Variants in MAPK12 observed in about 807,000 individuals in gnomAD.
The protein encoded by MAPK12 is mitogen-activated protein kinase 12.
A neutral mutation model predicts 49.1 loss-of-function variants in MAPK12; 49 were observed. The observed-to-expected ratio is 1.00, with a 90% CI of 0.79 to 1.27. MAPK12 has a LOEUF of 1.27. MAPK12 is among the 50% of genes most tolerant of loss of function. The pLI, the probability that MAPK12 is intolerant of heterozygous loss-of-function variation, is 0.00. For missense variants in MAPK12, 554 were observed against 502.4 expected, an observed-to-expected ratio of 1.10 and a Z score of -0.98; for synonymous variants, 251 against 209.7, an observed-to-expected ratio of 1.20 and a Z score of -1.70.
chr22:50,253,507 A>C, intron 11 of MAPK12, 27 bp from the exon 12 acceptor site: 2 of 921,140 alleles, frequency 2.2e-6, no homozygotes, highest in East Asian at 5.3e-5. Context: ...GGCGGGCACA[A>C]CAGAGAGGGG....
rs185994207 is a variant in MAPK12 at position 50,257,059 on chromosome 22, G to A, written c.426+23C>T. 1.4e-5 allele frequency: 22 copies of A among 1,608,118 alleles called. No individual in the cohort carries two copies. In the East Asian group the frequency reaches 3.1e-4, roughly 23 times the overall value. On this transcript the variant is annotated intron_variant, in intron 4 of 11. Coordinates refer to ENST00000215659, the MANE Select transcript of MAPK12 (RefSeq NM_002969.6). ...GCCCCGAGGCCCTGCCTGCCTCCCT[G>A]CAGCCTCCCCCGGGGCCCGTACCCT...
chr22:50,256,780 C>A (rs886895929), intron 5 of MAPK12, 134 bp from the exon 6 acceptor site: 1 of 1,510,864 alleles, frequency 6.6e-7, no homozygotes, highest in East Asian at 2.3e-5. Flanking sequence ...AAGGGCAGAC[C>A]AAGGTACCTG....
At chr22:50,256,711 T>A in intron 5 of MAPK12, 65 bp from the exon 6 acceptor site, 1 of 1,554,664 alleles carries the variant, frequency 6.4e-7, no homozygotes, top group Non-Finnish European at 8.7e-7. Flanking sequence ...GCCAAGAGCC[T>A]GGGTGGCACC....
rs757184825 is a variant in MAPK12 at position 50,258,223 on chromosome 22, C to G, written c.314+20G>C. 33 of 1,612,698 alleles carry G rather than the reference C, an allele frequency of 2.0e-5. 1 individual carries two copies. In the South Asian group the frequency reaches 3.5e-4, roughly 17 times the overall value. Reference sequence around the variant, plus strand: ...CCCAACACCCCTCGTGCCCAGCGGCCAGCCCAGGTCGGCACTCACAAGTCC... The same window carrying G: ...CCCAACACCCCTCGTGCCCAGCGGCGAGCCCAGGTCGGCACTCACAAGTCC... On this transcript the variant is annotated intron_variant, in intron 3 of 11. Coordinates refer to ENST00000215659, the MANE Select transcript of MAPK12 (RefSeq NM_002969.6).
At chr22:50,260,084 T>G (rs2065195282) in intron 2 of MAPK12, among the ~76,000 whole-genome samples, 1 of 148,314 alleles carries the variant, frequency 6.7e-6, no homozygotes. Context: ...GGTGTCGAGG[T>G]GCGGGCAGGG....
rs749438252 is a variant in MAPK12, at chr22:50,261,519, G to A, written c.-10C>T. The A allele has an allele frequency of 8.6e-5, 100 of 1,159,146 alleles. No individual in the cohort carries two copies. In the Middle Eastern group the frequency reaches 1.3e-3, roughly 16 times the overall value. 71.8% of individuals were successfully genotyped at this position (1,159,146 alleles called of 1,614,324 possible). On this transcript the variant is annotated 5_prime_UTR_variant, in exon 1 of 12. Transcript: ENST00000215659. ...GCGGCGGAGAGCTCATGGCAGGCCCGGGAGCTGCCCACCCCGCAGAGCCTG... is the reference window on the plus strand; with the variant it reads ...GCGGCGGAGAGCTCATGGCAGGCCCAGGAGCTGCCCACCCCGCAGAGCCTG...
rs1191428817 is a variant in MAPK12 at position 50,261,515 on chromosome 22, G to T, written c.-6C>A. 1 of 1,169,148 alleles carries T rather than the reference G, an allele frequency of 8.6e-7. No homozygotes were observed. 72.4% of individuals were successfully genotyped at this position (1,169,148 alleles called of 1,614,324 possible). On this transcript the variant is annotated 5_prime_UTR_variant, in exon 1 of 12. Transcript: ENST00000215659. ...GCGGGCGGCGGAGAGCTCATGGCAG[G>T]CCCGGGAGCTGCCCACCCCGCAGAG...
At position 50,256,972 on chromosome 22, in the gene MAPK12, G is replaced by T. The variant is rs201979053; in HGVS notation, c.427-8C>A. Reference sequence around the variant, plus strand: ...GCCGGCAGCGTGGATATACTGCGGGGGGCAGAGGATTTGGCAGGCTTCAGC... The same window carrying T: ...GCCGGCAGCGTGGATATACTGCGGGTGGCAGAGGATTTGGCAGGCTTCAGC... On this transcript the variant is annotated splice_polypyrimidine_tract_variant and splice_region_variant and intron_variant, in intron 4 of 11. Transcript: ENST00000215659. 6.2e-7 allele frequency: 1 copy of T among 1,606,508 alleles called. No homozygotes were observed. Among genetic ancestry groups the T allele is most frequent in the Non-Finnish European group, 8.5e-7 (1 of 1,177,932 alleles).
Position 50,257,731 on chromosome 22 carries a change from G to C in MAPK12, c.314+512C>G, listed in dbSNP as rs1211626543. The C allele has an allele frequency of 7.8e-6, 5 of 641,560 alleles. No homozygotes were observed. In the East Asian group the frequency reaches 1.4e-4, roughly 17 times the overall value. The allele number at this position is 641,560 out of a possible 1,614,324, so 39.7% of individuals were successfully genotyped here. A position where few individuals can be genotyped will look rare whatever the true frequency, so the allele number is the denominator to read the frequency against. ...CCCAGAGGCCACTGACTTGACCTCT[G>C]CAAGTCAGGCGGGAGGCGCCTGCTA... On this transcript the variant is annotated intron_variant, in intron 3 of 11. Coordinates refer to ENST00000215659, the MANE Select transcript of MAPK12 (RefSeq NM_002969.6).
At chr22:50,254,118 G>C (rs1248650645) in intron 11 of MAPK12, 1 of 154,420 alleles carries the variant, frequency 6.5e-6, no homozygotes, top group Admixed American at 6.3e-5. Flanking sequence ...GCCAGGTCCA[G>C]CACAGCCTCA....
At chr22:50,254,809 T>C (rs1016754512) in intron 11 of MAPK12, 1 of 1,159,632 alleles carries the variant, frequency 8.6e-7, no homozygotes, top group African/African-American at 1.6e-5. Flanking sequence ...CAGGAGGGGC[T>C]AAGTGGGCCC....
At chr22:50,256,741 C>T in intron 5 of MAPK12, 95 bp from the exon 6 acceptor site, 1 of 1,531,018 alleles carries the variant, frequency 6.5e-7, no homozygotes, top group Non-Finnish European at 8.8e-7. Flanking sequence ...GGCCACCGGA[C>T]CTGGCCCCCT....
In MAPK12 at chr22:50,261,661, G is replaced by C. The variant is rs1406366074; in HGVS notation, c.-152C>G. On this transcript the variant is annotated 5_prime_UTR_variant, in exon 1 of 12. Transcript: ENST00000215659. ...CGGCCGCTGGGGCGCTCCCGCTCCC[G>C]GCCCTTCCCTCAGGGATGTCCCAGG... 1.2e-6 allele frequency: 1 copy of C among 855,172 alleles called. No individual in the cohort carries two copies. The highest frequency in any genetic ancestry group is 6.2e-5 in the Admixed American group (1 of 16,098). 53.0% of individuals were successfully genotyped at this position (855,172 alleles called of 1,614,324 possible). A position where few individuals can be genotyped will look rare whatever the true frequency, so the allele number is the denominator to read the frequency against.
intron 2 of MAPK12, among the ~76,000 whole-genome samples, chr22:50,260,464 G>A (rs2065199887): frequency 6.6e-6 from 1 of 152,122 alleles, no homozygotes; most frequent in Admixed American, 6.5e-5. Context: ...CCCTGGCAGA[G>A]AGATCGGGTT....
chr22:50,256,230 G>C, intron 6 of MAPK12, 31 bp from the exon 7 acceptor site: 1 of 1,559,916 alleles, frequency 6.4e-7, no homozygotes, highest in Admixed American at 1.7e-5. Context: ...GTGGGTTCTA[G>C]GGGACTCCCA....
At chr22:50,258,148 G>A (rs1361091327) in intron 3 of MAPK12, 95 bp downstream of exon 3, 2 of 1,181,664 alleles carry the variant, frequency 1.7e-6, no homozygotes, top group African/African-American at 1.5e-5. Flanking sequence ...CAGGCTGCAG[G>A]AAGAGAACCC....
At chr22:50,253,945 C>G (rs889612300) in intron 11 of MAPK12, 3 of 168,302 alleles carry the variant, frequency 1.8e-5, no homozygotes, top group African/African-American at 7.2e-5. Context: ...CCCCACCCAG[C>G]CAGTGTGGAG....
intron 5 of MAPK12, 45 bp from the exon 6 acceptor site, chr22:50,256,691 C>A: frequency 6.3e-7 from 1 of 1,585,730 alleles, no homozygotes. Flanking sequence ...CCCTCCCAAG[C>A]ATGGGCACAG....
rs1464049265 is a variant in MAPK12, at chr22:50,255,184, G to GC, written c.1024+12dup. The stretch of plus-strand genomic sequence containing the variant: ...TGGGTCCACACAGGCCGTGCCAGGA[G>GC]CCCCCCACTCACGCTTCCATTCATC... On this transcript the variant is annotated intron_variant, in intron 11 of 11. Coordinates refer to ENST00000215659, the MANE Select transcript of MAPK12 (RefSeq NM_002969.6). 6.2e-7 allele frequency: 1 copy of GC among 1,613,468 alleles called. No homozygotes were observed. Among genetic ancestry groups the GC allele is most frequent in the Non-Finnish European group, 8.5e-7 (1 of 1,179,936 alleles).
Sources: allele counts gnomAD v4.1 joint callset (sites outside exome capture counted in the v4.1 genomes callset), GRCh38; gene constraint gnomAD v4.1.1; transcripts MANE v1.5; gene names NCBI Gene and HGNC (gene_info 2026-07-23, HGNC 2026-07-21).